Variants in LETM2 observed in about 807,000 individuals in gnomAD.
LETM2 encodes the protein leucine zipper and EF-hand containing transmembrane protein 2, also known as LETM1 domain-containing protein LETM2, mitochondrial.
In LETM2, 58 loss-of-function variants were observed where a neutral mutation model predicts 59.6. The observed-to-expected ratio is 0.97, with a 90% confidence interval of 0.79 to 1.21. LETM2 has a LOEUF of 1.21. Ranked by LOEUF, LETM2 falls within the 50% of genes most tolerant of loss-of-function variation. LETM2 has a pLI of 0.00. For missense variants in LETM2, 572 were observed against 575.7 expected (o/e 0.99, Z 0.07); for synonymous variants, 199 against 214.1 (o/e 0.93, Z 0.62).
chr8:38,397,248 C>T (rs1036756824), intron 4 of LETM2: 2 of 429,002 alleles, frequency 4.7e-6, no homozygotes, highest in African/African-American at 4.2e-5. Flanking sequence ...ACAATCTTGG[C>T]TCACTGCAAC....
chr8:38,384,867 A>G (rs1811706110), upstream of LETM2, among the ~76,000 whole-genome samples: 1 of 152,278 alleles, frequency 6.6e-6, no homozygotes, highest in Admixed American at 6.5e-5. Context: ...CATGAATAAG[A>G]ATATTTCCCC....
chr8:38,397,915 G>T (rs1054312966), intron 4 of LETM2, among the ~76,000 whole-genome samples: 3 of 152,244 alleles, frequency 2.0e-5, no homozygotes, highest in African/African-American at 7.2e-5. Context: ...CGAGGTGGGT[G>T]GGTCACTTGA....
At chr8:38,385,583 A>G (rs924566613), upstream of LETM2, among the ~76,000 whole-genome samples, 1 of 152,054 alleles carries the variant, frequency 6.6e-6, no homozygotes, top group African/African-American at 2.4e-5. Context: ...TTTTTAGTAG[A>G]GACAGGGTTT....
At chr8:38,389,075 A>G (rs1037373116) in intron 2 of LETM2, among the ~76,000 whole-genome samples, 9 of 151,092 alleles carry the variant, frequency 6.0e-5, no homozygotes, top group African/African-American at 2.2e-4. Flanking sequence ...CAGAAGATGT[A>G]CTGGTTTTAG....
upstream of LETM2, among the ~76,000 whole-genome samples, chr8:38,384,112 G>T (rs3824290): frequency 0.021 from 3,263 of 152,120 alleles, 203 homozygotes; most frequent in East Asian, 0.21. Flanking sequence ...CCAGGAAAGA[G>T]GGATTAAATT....
rs1012781354 is a variant in LETM2 at position 38,400,510 on chromosome 8, T to C, written c.783+101T>C. On this transcript the variant is annotated intron_variant, in intron 5 of 10. Coordinates refer to ENST00000379957, the MANE Select transcript of LETM2 (RefSeq NM_001286819.2). ...CCCAAATTGTTCACCATCTTTGGAA[T>C]TGCAAATATCTAAATTATGAACATA... 1.2e-5 allele frequency: 13 copies of C among 1,095,964 alleles called. No individual in the cohort carries two copies. In the Admixed American group the frequency reaches 1.8e-4, roughly 15 times the overall value. The allele number at this position is 1,095,964 out of a possible 1,614,324, so 67.9% of individuals were successfully genotyped here.
Position 38,394,159 on chromosome 8 carries a change from C to T in LETM2, c.563C>T (p.Pro188Leu). ...LVPFMVFLIV[P>L]FMEFLLPVFL... The stretch of plus-strand genomic sequence containing the variant: ...CCATTTATGGTGTTCTTAATTGTAC[C>T]CTTCATGGAATTCTTATTACCAGTG... The change falls in exon 4 of 11, where the codon CCC becomes CTC. Residue 188 changes from proline (P) to leucine (L), a missense_variant. Physicochemically the swap from Pro to Leu is moderately conservative, Grantham distance 98. Transcript: ENST00000379957. 6.6e-7 allele frequency: 1 copy of T among 1,516,126 alleles called. No individual in the cohort carries two copies. The highest frequency in any genetic ancestry group is 8.8e-7 in the Non-Finnish European group (1 of 1,138,098). The allele number at this position is 1,516,126 out of a possible 1,614,324, so 93.9% of individuals were successfully genotyped here. A position where few individuals can be genotyped will look rare whatever the true frequency, so the allele number is the denominator to read the frequency against.
At position 38,386,505 on chromosome 8, in the gene LETM2, T is replaced by C. The variant is rs1355308697; in HGVS notation, c.-98T>C. 2 of 152,236 alleles carry C rather than the reference T, an allele frequency of 1.3e-5. No individual in the cohort carries two copies. Among genetic ancestry groups the C allele is most frequent in the East Asian group, 1.9e-4 (1 of 5,174 alleles). 9.4% of individuals were successfully genotyped at this position (152,236 alleles called of 1,614,324 possible). On this transcript the variant is annotated 5_prime_UTR_variant, in exon 1 of 11. Transcript: ENST00000379957. ...AGACTTGGCTTCGGGCCCTTCTAGC[T>C]TGGGGGTCCCGGGAAGGAGCTGGGA...
rs1186003603 is a variant in LETM2 at position 38,408,800 on chromosome 8, A to C, written c.*526A>C. On this transcript the variant is annotated 3_prime_UTR_variant, in exon 11 of 11. Transcript: ENST00000379957. ...CAGTAAGATCTTTCTGGATATAATG[A>C]AGCTTCCTGGAGAAACAGACTGGCA... The C allele has an allele frequency of 1.3e-5, 2 of 152,440 alleles. No homozygotes were observed. The highest frequency in any genetic ancestry group is 1.3e-4 in the Admixed American group (2 of 15,296). The allele number at this position is 152,440 out of a possible 1,614,324, so 9.4% of individuals were successfully genotyped here.
intron 2 of LETM2, 50 bp downstream of exon 2, chr8:38,388,080 C>CTTTTT (rs35044708): frequency 1.3e-5 from 12 of 890,006 alleles, no homozygotes; most frequent in East Asian, 8.7e-5. Flanking sequence ...TCTTCTTCTT[C>CTTTTT]TTTTTTTTTT....
At chr8:38,404,756 G>T (rs551607621) in intron 8 of LETM2, 6 of 393,992 alleles carry the variant, frequency 1.5e-5, no homozygotes, top group Non-Finnish European at 2.4e-5. Flanking sequence ...GAGGTAGGTG[G>T]ATCACCTGAG....
chr8:38,385,135 T>C (rs367672920), upstream of LETM2, among the ~76,000 whole-genome samples: 2 of 152,220 alleles, frequency 1.3e-5, no homozygotes, highest in African/African-American at 4.8e-5. Context: ...ACATCAGACA[T>C]GCACAAAGAG....
chr8:38,389,976 G>C (rs1416919591), intron 2 of LETM2, among the ~76,000 whole-genome samples: 1 of 138,350 alleles, frequency 7.2e-6, no homozygotes, highest in Non-Finnish European at 1.5e-5. Context: ...TCCAGTCTGG[G>C]CAACAGAGTG....
chr8:38,403,961 C>T (rs577032711), intron 7 of LETM2, among the ~76,000 whole-genome samples: 1 of 152,272 alleles, frequency 6.6e-6, no homozygotes, highest in Admixed American at 6.5e-5. Flanking sequence ...CGGGCTCAAG[C>T]GATCCTCCCA....
chr8:38,400,566 T>C (rs1453411142), intron 5 of LETM2, 157 bp downstream of exon 5: 1 of 743,162 alleles, frequency 1.3e-6, no homozygotes, highest in Non-Finnish European at 2.1e-6. Flanking sequence ...ATTATAAACA[T>C]TGATAGTAGT....
intron 2 of LETM2, among the ~76,000 whole-genome samples, chr8:38,392,144 G>T (rs1453436274): frequency 6.6e-6 from 1 of 152,110 alleles, no homozygotes; most frequent in Admixed American, 6.5e-5. Flanking sequence ...ATATTCCTTG[G>T]CCAGGCATGG....
chr8:38,395,735 C>T (rs1369466462), intron 4 of LETM2, among the ~76,000 whole-genome samples: 1 of 151,468 alleles, frequency 6.6e-6, no homozygotes, highest in Non-Finnish European at 1.5e-5. Flanking sequence ...AGGCTGGTCT[C>T]GATGTCCTGA....
intron 9 of LETM2, 105 bp downstream of exon 9, chr8:38,407,143 A>G: frequency 3.9e-6 from 3 of 759,524 alleles, no homozygotes; most frequent in East Asian, 5.2e-5. Context: ...AATTCAATAC[A>G]ATAATGTTCC....
chr8:38,388,052 C>T lies in LETM2; in HGVS notation c.47+22C>T, dbSNP rs974174196. ...CAAGGTAAGCATTGGAGTTACCCCC[C>T]AATATGAACGTAATTCTTCTTCTTC... On this transcript the variant is annotated intron_variant, in intron 2 of 10. Coordinates refer to ENST00000379957, the MANE Select transcript of LETM2 (RefSeq NM_001286819.2). 4 of 1,459,218 alleles carry T rather than the reference C, an allele frequency of 2.7e-6. No individual in the cohort carries two copies. The African/African-American group carries it at 5.7e-5, about 21-fold the overall frequency. 90.4% of individuals were successfully genotyped at this position (1,459,218 alleles called of 1,614,324 possible). A position where few individuals can be genotyped will look rare whatever the true frequency, so the allele number is the denominator to read the frequency against.
Sources: allele counts gnomAD v4.1 joint callset (sites outside exome capture counted in the v4.1 genomes callset), GRCh38; gene constraint gnomAD v4.1.1; transcripts MANE v1.5; gene names NCBI Gene and HGNC (gene_info 2026-07-23, HGNC 2026-07-21).